Variants in PCDH15 observed in about 807,000 individuals in gnomAD.
PCDH15 encodes the protein protocadherin related 15.
A neutral mutation model predicts 178.5 loss-of-function variants in PCDH15; 129 were observed. That is an observed-to-expected ratio of 0.72 (90% confidence interval 0.63 to 0.84). PCDH15 has a LOEUF of 0.84. Among genes scored for constraint, PCDH15 ranks in the 40% least tolerant of loss-of-function variants. The pLI is 0.00. For missense variants in PCDH15, 2,230 were observed against 2,099.9 expected (o/e 1.06, Z -1.21); for synonymous variants, 800 against 732.0 (o/e 1.09, Z -1.50).
At chr10:54,300,989 C>T (rs1201026527) in intron 8 of PCDH15, among the ~76,000 whole-genome samples, 1 of 152,128 alleles carries the variant, frequency 6.6e-6, no homozygotes, top group African/African-American at 2.4e-5. Flanking sequence ...GGGTCTGTAC[C>T]ACCTTTAAGA....
At chr10:54,185,938 T>C (rs1372137574) in intron 11 of PCDH15, among the ~76,000 whole-genome samples, 2 of 152,026 alleles carry the variant, frequency 1.3e-5, no homozygotes, top group Non-Finnish European at 2.9e-5. Context: ...AAATGATATA[T>C]ACTTAAAAAG....
chr10:55,246,390 T>C (rs1468873392), intron 1 of PCDH15, among the ~76,000 whole-genome samples: 1 of 152,164 alleles, frequency 6.6e-6, no homozygotes, highest in Admixed American at 6.6e-5. Context: ...AGGCAAAGTA[T>C]ATGAGGGAGG....
chr10:55,558,527 A>C (rs1047412572), intron 2 of PCDH15, among the ~76,000 whole-genome samples: 2 of 152,146 alleles, frequency 1.3e-5, no homozygotes, highest in East Asian at 1.9e-4. Flanking sequence ...AGTAATTCTC[A>C]GGGAATTGTT....
rs2060576528 is a variant in PCDH15, at chr10:54,307,098, GTGTGTGTATATATA to G, written c.876+10159_876+10172del. On this transcript the variant is annotated intron_variant, in intron 8 of 37. Coordinates refer to ENST00000644397, the MANE Select transcript of PCDH15 (RefSeq NM_001384140.1). ...TATATATACATATATATATATGTGTGTGTGTGTATATATATATATATATATATATATATATATAT... is the reference window on the plus strand; with the variant it reads ...TATATATACATATATATATATGTGTGTATATATATATATATATATATATAT... Among the ~76,000 whole-genome samples, 19 of 13,572 alleles carry G rather than the reference GTGTGTGTATATATA, an allele frequency of 1.4e-3. 2 individuals are homozygous for G. The highest frequency in any genetic ancestry group is 3.5e-3 in the Admixed American group (3 of 860). 8.9% of individuals were successfully genotyped at this position (13,572 alleles called of 152,430 possible).
chr10:53,831,277 T>C, intron 30 of PCDH15, 38 bp downstream of exon 30: 5 of 1,589,690 alleles, frequency 3.1e-6, no homozygotes, highest in Non-Finnish European at 4.3e-6. Flanking sequence ...CAATGACTTC[T>C]GAGGAACTAT....
At chr10:55,552,206 A>G (rs538975727) in intron 2 of PCDH15, among the ~76,000 whole-genome samples, 1 of 151,854 alleles carries the variant, frequency 6.6e-6, no homozygotes, top group South Asian at 2.1e-4. Context: ...TTCCTTTAAT[A>G]TAACAATATA....
At chr10:54,564,128 T>TCC (rs35203623) in intron 2 of PCDH15, among the ~76,000 whole-genome samples, 32 of 151,806 alleles carry the variant, frequency 2.1e-4, no homozygotes, top group African/African-American at 5.1e-4. Context: ...TCCTTGTTTT[T>TCC]CCCCCCCACA....
intron 25 of PCDH15, among the ~76,000 whole-genome samples, chr10:53,934,671 A>G (rs1033290831): frequency 6.6e-6 from 1 of 152,270 alleles, no homozygotes; most frequent in African/African-American, 2.4e-5. Context: ...CAAGTCATCA[A>G]ACTGTGCAAA....
Position 54,484,595 on chromosome 10 carries a change from C to T in PCDH15, c.157+43217G>A, listed in dbSNP as rs1007371500. 4.6e-5 allele frequency among the ~76,000 whole-genome samples: 7 copies of T among 151,838 alleles called. No homozygotes were observed. In the South Asian group the frequency reaches 6.2e-4, roughly 13 times the overall value. On this transcript the variant is annotated intron_variant, in intron 3 of 37. Transcript: ENST00000644397. ...GTGAATAGTAGCTATAAATCAGATA[C>T]AAGCCACATTAATGAATTGAGATAA...
At chr10:54,865,905 A>ATC in intron 3 of PCDH15, among the ~76,000 whole-genome samples, 1 of 152,202 alleles carries the variant, frequency 6.6e-6, no homozygotes, top group Non-Finnish European at 1.5e-5. Context: ...TACTTCAGTG[A>ATC]TCAAGGATAA....
chr10:55,310,372 G>A (rs1474322425), intron 1 of PCDH15, among the ~76,000 whole-genome samples: 3 of 152,012 alleles, frequency 2.0e-5, no homozygotes, highest in Non-Finnish European at 4.4e-5. Flanking sequence ...AAACATAGTG[G>A]AAGTAAATGA....
intron 8 of PCDH15, among the ~76,000 whole-genome samples, chr10:54,247,613 G>A (rs2056079824): frequency 1.3e-5 from 2 of 151,690 alleles, no homozygotes; most frequent in Non-Finnish European, 2.9e-5. Flanking sequence ...ACACATATAG[G>A]GGCTCACAGC....
At chr10:53,808,997 GTTC>G (rs1435067999) in intron 37 of PCDH15, 4 of 1,569,222 alleles carry the variant, frequency 2.5e-6, no homozygotes, top group South Asian at 1.2e-5. Context: ...GGTTCTTTTT[GTTC>G]TTCTTGTGGC....
intron 2 of PCDH15, among the ~76,000 whole-genome samples, chr10:55,341,767 A>G (rs1422464162): frequency 2.3e-4 from 3 of 13,162 alleles, no homozygotes; most frequent in African/African-American, 5.4e-4. Context: ...ATATGCATAT[A>G]TATATATATA....
chr10:55,120,677 A>G (rs1043878463), intron 2 of PCDH15, among the ~76,000 whole-genome samples: 1 of 152,178 alleles, frequency 6.6e-6, no homozygotes, highest in African/African-American at 2.4e-5. Flanking sequence ...TAAATAAAAT[A>G]ATAATCTCAT....
intron 2 of PCDH15, among the ~76,000 whole-genome samples, chr10:55,511,781 CAGA>C (rs1450193960): frequency 3.3e-5 from 5 of 152,114 alleles, no homozygotes; most frequent in African/African-American, 1.2e-4. Flanking sequence ...GAGAATCATA[CAGA>C]AGCTTAGAAA....
intron 8 of PCDH15, among the ~76,000 whole-genome samples, chr10:54,273,382 AAAAG>A (rs966795272): frequency 3.2e-4 from 29 of 90,620 alleles, no homozygotes; most frequent in African/African-American, 8.0e-4. Flanking sequence ...AGTAAAAAAA[AAAAG>A]GTGATGCTTT....
At chr10:54,782,283 T>C (rs372231421) in intron 1 of PCDH15, among the ~76,000 whole-genome samples, 67 of 152,258 alleles carry the variant, frequency 4.4e-4, no homozygotes, top group African/African-American at 1.3e-3. Context: ...AAGTTCCAGT[T>C]CTGACTCCAT....
chr10:54,864,182 T>C (rs1242287041), intron 3 of PCDH15, among the ~76,000 whole-genome samples: 2 of 152,148 alleles, frequency 1.3e-5, no homozygotes, highest in Admixed American at 1.3e-4. Flanking sequence ...GCATATATGG[T>C]GTAAACACAT....
Sources: gnomAD v4.1 joint callset for allele counts (sites outside exome capture counted in the v4.1 genomes callset) on GRCh38, gnomAD v4.1.1 for gene constraint, MANE v1.5 for transcripts, NCBI Gene and HGNC (gene_info 2026-07-23, HGNC 2026-07-21) for gene names.